Variants in TRAPPC9 observed in about 807,000 individuals in gnomAD.
TRAPPC9 encodes trafficking protein particle complex subunit 9.
Under a neutral mutation model 124.0 loss-of-function variants are expected in TRAPPC9, and 83 were observed. The ratio of observed to expected loss-of-function variants is 0.67; its 90% CI spans 0.56 to 0.80. The LOEUF (loss-of-function observed/expected upper bound fraction) is 0.80, where lower values mean the gene tolerates loss of function less well. Among genes scored for constraint, TRAPPC9 ranks in the 30% least tolerant of loss-of-function variants. The pLI is 0.00. For missense variants in TRAPPC9, 1,302 were observed against 1,508.3 expected (o/e 0.86, Z 2.27); for synonymous variants, 638 against 617.5 (o/e 1.03, Z -0.49).
chr8:140,098,306 A>C (rs1207459729), intron 17 of TRAPPC9: 1 of 151,964 alleles, frequency 6.6e-6, no homozygotes, highest in African/African-American at 2.4e-5. Flanking sequence ...ACCACAGGGG[A>C]AGACACCCAG....
chr8:140,293,384 T>C (rs1315935105), intron 11 of TRAPPC9, among the ~76,000 whole-genome samples: 6 of 151,954 alleles, frequency 3.9e-5, no homozygotes, highest in Non-Finnish European at 8.8e-5. Context: ...CAAAGGACTA[T>C]AAATCATGCT....
At chr8:140,246,682 G>A (rs1563878768) in intron 16 of TRAPPC9, among the ~76,000 whole-genome samples, 1 of 152,112 alleles carries the variant, frequency 6.6e-6, no homozygotes, top group African/African-American at 2.4e-5. Flanking sequence ...ACAGAGAACA[G>A]TTTAAAAATT....
intron 21 of TRAPPC9, among the ~76,000 whole-genome samples, chr8:139,734,831 C>T (rs921647803): frequency 6.6e-6 from 1 of 152,278 alleles, no homozygotes; most frequent in African/African-American, 2.4e-5. Context: ...TAGCCCTTCA[C>T]TCTGTGCCAC....
chr8:139,768,496 G>A (rs1400731488), intron 21 of TRAPPC9, among the ~76,000 whole-genome samples: 1 of 152,198 alleles, frequency 6.6e-6, no homozygotes, highest in Non-Finnish European at 1.5e-5. Context: ...GTCTAATTTT[G>A]AATAAAATAT....
intron 17 of TRAPPC9, among the ~76,000 whole-genome samples, chr8:140,033,671 T>TGTTTTTG (rs1563706739): frequency 8.6e-4 from 71 of 82,928 alleles, no homozygotes; most frequent in Non-Finnish European, 1.2e-3. Flanking sequence ...TTTTTTTTTT[T>TGTTTTTG]TTTTTTTTTT....
intron 17 of TRAPPC9, among the ~76,000 whole-genome samples, chr8:140,202,795 G>A (rs2062824784): frequency 1.3e-5 from 2 of 152,286 alleles, no homozygotes; most frequent in East Asian, 1.9e-4. Flanking sequence ...TATTTCTAAG[G>A]TAATGCAACC....
chr8:140,247,243 C>T (rs1000529216), intron 16 of TRAPPC9, among the ~76,000 whole-genome samples: 2 of 152,194 alleles, frequency 1.3e-5, no homozygotes, highest in African/African-American at 4.8e-5. Context: ...TCCAGTCTTG[C>T]GTGTTGACAA....
At chr8:140,162,653 A>G (rs1252750117) in intron 17 of TRAPPC9, among the ~76,000 whole-genome samples, 1 of 152,222 alleles carries the variant, frequency 6.6e-6, no homozygotes, top group African/African-American at 2.4e-5. Flanking sequence ...ATGGTTGCAC[A>G]GCAATGTGAA....
chr8:139,989,482 T>A (rs1334248691), intron 18 of TRAPPC9, among the ~76,000 whole-genome samples: 1 of 152,220 alleles, frequency 6.6e-6, no homozygotes, highest in Non-Finnish European at 1.5e-5. Context: ...CAAGGGCTGG[T>A]CCATGTGATG....
chr8:139,920,024 T>C (rs1832411638), intron 19 of TRAPPC9, among the ~76,000 whole-genome samples: 2 of 152,246 alleles, frequency 1.3e-5, no homozygotes, highest in African/African-American at 4.8e-5. Flanking sequence ...ATTCTGAAGA[T>C]GTTTGTATTA....
intron 19 of TRAPPC9, among the ~76,000 whole-genome samples, chr8:139,967,157 G>A (rs188027954): frequency 6.6e-6 from 1 of 152,264 alleles, no homozygotes; most frequent in East Asian, 1.9e-4. Context: ...GTTTGACTGA[G>A]AGCATAATGG....
intron 21 of TRAPPC9, among the ~76,000 whole-genome samples, chr8:139,832,581 C>A (rs938015251): frequency 3.3e-5 from 5 of 152,192 alleles, no homozygotes; most frequent in East Asian, 1.9e-4. Context: ...TTGAACTCAG[C>A]GAGCTCTTTG....
intron 21 of TRAPPC9, among the ~76,000 whole-genome samples, chr8:139,794,222 C>T (rs1356261354): frequency 6.6e-6 from 1 of 152,240 alleles, no homozygotes; most frequent in Non-Finnish European, 1.5e-5. Flanking sequence ...GGTCCCAGCA[C>T]CAAGAATCCT....
intron 17 of TRAPPC9, among the ~76,000 whole-genome samples, chr8:140,064,350 T>C (rs1045914720): frequency 1.3e-5 from 2 of 152,114 alleles, no homozygotes; most frequent in African/African-American, 4.8e-5. Context: ...AGGTTGCCAC[T>C]CTAAGGGTAA....
intron 6 of TRAPPC9, among the ~76,000 whole-genome samples, chr8:140,403,661 CTTT>C (rs112475588): frequency 1.4e-5 from 2 of 145,526 alleles, no homozygotes. Context: ...GAAAAGTATA[CTTT>C]TTTTTTTTTT....
chr8:140,307,286 G>A (rs1233558529), intron 10 of TRAPPC9, among the ~76,000 whole-genome samples: 1 of 152,182 alleles, frequency 6.6e-6, no homozygotes, highest in Non-Finnish European at 1.5e-5. Flanking sequence ...AGCTCAGAGG[G>A]AAAGAAACCA....
chr8:140,308,621 G>A (rs748067670), intron 10 of TRAPPC9, among the ~76,000 whole-genome samples: 1 of 152,124 alleles, frequency 6.6e-6, no homozygotes, highest in Non-Finnish European at 1.5e-5. Context: ...AGTGGCTCAC[G>A]CCTGTAATCC....
At chr8:139,826,085 AG>A (rs1173274350) in intron 21 of TRAPPC9, among the ~76,000 whole-genome samples, 1 of 152,164 alleles carries the variant, frequency 6.6e-6, no homozygotes, top group East Asian at 1.9e-4. Flanking sequence ...GGTCTGAAGT[AG>A]GGGAGGGCAC....
At chr8:139,881,647 G>C (rs868262475) in intron 21 of TRAPPC9, among the ~76,000 whole-genome samples, 4 of 150,676 alleles carry the variant, frequency 2.7e-5, no homozygotes, top group African/African-American at 7.3e-5. Flanking sequence ...ATGAAAAAAA[G>C]AGCTGGCCTA....
Sources: allele counts gnomAD v4.1 joint callset (sites outside exome capture counted in the v4.1 genomes callset), GRCh38; gene constraint gnomAD v4.1.1; transcripts MANE v1.5; gene names NCBI Gene and HGNC (gene_info 2026-07-23, HGNC 2026-07-21).